The following MSI2 variants were observed in gnomAD, a reference collection of about 807,000 sequenced individuals.
The protein encoded by MSI2 is RNA-binding protein Musashi homolog 2.
In MSI2, 17 loss-of-function variants were observed where a neutral mutation model predicts 45.6. That is an observed-to-expected ratio of 0.37 (90% CI 0.26 to 0.56). The LOEUF (loss-of-function observed/expected upper bound fraction) is 0.56, where lower values mean the gene tolerates loss of function less well. MSI2 is among the 20% of genes least tolerant of loss of function. The pLI is 0.77. For synonymous variants in MSI2, 156 were observed against 158.2 expected, an observed-to-expected ratio of 0.99 and a Z score of 0.11; for missense variants, 293 against 444.2, an observed-to-expected ratio of 0.66 and a Z score of 3.06.
At chr17:57,474,377 T>G (rs1399653972) in intron 6 of MSI2, among the ~76,000 whole-genome samples, 1 of 152,316 alleles carries the variant, frequency 6.6e-6, no homozygotes, top group African/African-American at 2.4e-5. Flanking sequence ...GTTCAACTCA[T>G]GCAGACCAGG....
intron 5 of MSI2, among the ~76,000 whole-genome samples, chr17:57,331,126 C>G (rs1230432083): frequency 1.3e-5 from 2 of 152,108 alleles, no homozygotes; most frequent in African/African-American, 2.4e-5. Flanking sequence ...GTTGGCCAGG[C>G]TGGTCTCGAA....
At chr17:57,593,996 G>C (rs1905064922) in intron 7 of MSI2, among the ~76,000 whole-genome samples, 1 of 152,244 alleles carries the variant, frequency 6.6e-6, no homozygotes, top group East Asian at 1.9e-4. Flanking sequence ...GGTAAACGCA[G>C]AAGGAAGAGC....
In MSI2 at chr17:57,627,075, CCCAGA is replaced by C; in HGVS notation, c.653-151_653-147del. On this transcript the variant is annotated intron_variant, in intron 9 of 13. Transcript: ENST00000284073. This position sits in a 1 kb window ranked among gnomAD's most constrained non-coding sequence, Gnocchi z 4.6. ...GCCCCCGGCCACAGGAGAGAGGTGA[CCCAGA>C]CCCTTAATAAAAAAACCCTCATGAG... The C allele has an allele frequency of 1.4e-6, 1 of 708,220 alleles. No individual in the cohort carries two copies. The allele number at this position is 708,220 out of a possible 1,614,324, so 43.9% of individuals were successfully genotyped here.
rs149184814 is a variant in MSI2, at chr17:57,611,674, C to T, written c.538-4296C>T. Reference sequence around the variant, plus strand: ...TGGGACACTTCCTCTTGGGACTTAGCCACCATATTGTGACAAGACCAGGCG... The same window carrying T: ...TGGGACACTTCCTCTTGGGACTTAGTCACCATATTGTGACAAGACCAGGCG... On this transcript the variant is annotated intron_variant, in intron 8 of 13. Coordinates refer to ENST00000284073, the MANE Select transcript of MSI2 (RefSeq NM_138962.4). Among the ~76,000 whole-genome samples the T allele has an allele frequency of 2.0e-3, 193 of 96,252 alleles. 67 individuals carry two copies. The Middle Eastern group carries it at 0.053, about 27-fold the overall frequency. 63.1% of individuals were successfully genotyped at this position (96,252 alleles called of 152,430 possible). A position where few individuals can be genotyped will look rare whatever the true frequency, so the allele number is the denominator to read the frequency against.
chr17:57,332,316 G>A (rs963290025), intron 5 of MSI2, among the ~76,000 whole-genome samples: 1 of 152,104 alleles, frequency 6.6e-6, no homozygotes, highest in Admixed American at 6.5e-5. Context: ...AGCCAGGCTG[G>A]TCTTGAACTC....
chr17:57,281,662 C>T (rs887194986), intron 5 of MSI2, among the ~76,000 whole-genome samples: 6 of 152,296 alleles, frequency 3.9e-5, no homozygotes, highest in African/African-American at 9.6e-5. Context: ...CAGTTTTCCA[C>T]GAGTGCAGCC....
chr17:57,609,713 C>T (rs1487896798), intron 8 of MSI2, among the ~76,000 whole-genome samples: 1 of 152,244 alleles, frequency 6.6e-6, no homozygotes, highest in Non-Finnish European at 1.5e-5. Context: ...AGTGAGCTTA[C>T]CTTTGCAAGG....
At chr17:57,411,209 G>A (rs2084189984) in intron 6 of MSI2, among the ~76,000 whole-genome samples, 1 of 152,104 alleles carries the variant, frequency 6.6e-6, no homozygotes, top group Non-Finnish European at 1.5e-5. Context: ...GTTTCACCGT[G>A]TTGCCGAGGC....
In MSI2 at chr17:57,262,210, C is replaced by A; in HGVS notation, c.312+18C>A. The A allele has an allele frequency of 6.2e-7, 1 of 1,613,606 alleles. No individual in the cohort carries two copies. The highest frequency in any genetic ancestry group is 8.5e-7 in the Non-Finnish European group (1 of 1,179,696). On this transcript the variant is annotated intron_variant, in intron 5 of 13. Transcript: ENST00000284073. ...AACCCAAGGTAAGTAGGAGAATAAA[C>A]AGTAGGATTTTAGCACTCAGAGATG...
At chr17:57,347,175 C>T (rs1324202727) in intron 5 of MSI2, among the ~76,000 whole-genome samples, 1 of 152,140 alleles carries the variant, frequency 6.6e-6, no homozygotes, top group East Asian at 1.9e-4. Flanking sequence ...CCCTTCCTCA[C>T]CATTGTTCCT....
intron 7 of MSI2, among the ~76,000 whole-genome samples, chr17:57,547,679 TTC>T (rs2087200289): frequency 1.3e-5 from 2 of 151,632 alleles, no homozygotes; most frequent in South Asian, 4.2e-4. Flanking sequence ...AAATCAGTTG[TTC>T]TGTTTGAAAT....
chr17:57,392,120 G>T (rs953620989), intron 5 of MSI2, among the ~76,000 whole-genome samples: 13 of 152,156 alleles, frequency 8.5e-5, no homozygotes. Context: ...TTGATGCAGG[G>T]ATCATGATCC....
At position 57,526,379 on chromosome 17, in the gene MSI2, G is replaced by A. The variant is rs937836549; in HGVS notation, c.406-3297G>A. The stretch of plus-strand genomic sequence containing the variant: ...TGGGTGTGTGTGTGTGTGTGTGTGT[G>A]TGTGTGTGTGTGTGTGTGTGTGTGT... On this transcript the variant is annotated intron_variant, in intron 6 of 13. Coordinates refer to ENST00000284073, the MANE Select transcript of MSI2 (RefSeq NM_138962.4). Among the ~76,000 whole-genome samples the A allele has an allele frequency of 1.9e-3, 164 of 86,470 alleles. 2 individuals are homozygous for A. The highest frequency in any genetic ancestry group is 0.011 in the Middle Eastern group (2 of 174). 56.7% of individuals were successfully genotyped at this position (86,470 alleles called of 152,430 possible).
chr17:57,441,110 T>C (rs2084792226), intron 6 of MSI2, among the ~76,000 whole-genome samples: 1 of 152,088 alleles, frequency 6.6e-6, no homozygotes, highest in South Asian at 2.1e-4. Flanking sequence ...CCCACTAATG[T>C]GAGGATGAAG....
At position 57,533,138 on chromosome 17, in the gene MSI2, G is replaced by A. The variant is rs147492069; in HGVS notation, c.454+3414G>A. Reference sequence around the variant, plus strand: ...TGGTCACCTCCTGTCCCTGCTCCCTGTTGGTCTCTGTTGGGGCAGGGATGC... The same window carrying A: ...TGGTCACCTCCTGTCCCTGCTCCCTATTGGTCTCTGTTGGGGCAGGGATGC... On this transcript the variant is annotated intron_variant, in intron 7 of 13. Transcript: ENST00000284073. Among the ~76,000 whole-genome samples the A allele has an allele frequency of 3.9e-5, 6 of 152,290 alleles. No individual in the cohort carries two copies. The East Asian group carries it at 9.7e-4, about 25-fold the overall frequency.
chr17:57,592,371 A>G (rs1904920214), intron 7 of MSI2, among the ~76,000 whole-genome samples: 1 of 152,198 alleles, frequency 6.6e-6, no homozygotes, highest in Non-Finnish European at 1.5e-5. Flanking sequence ...GCACTAAGTT[A>G]CTAATTCATT....
At chr17:57,299,070 A>G (rs920201437) in intron 5 of MSI2, among the ~76,000 whole-genome samples, 2 of 152,192 alleles carry the variant, frequency 1.3e-5, no homozygotes. Flanking sequence ...CTTTCCTTAA[A>G]TCTCATGAAC....
intron 5 of MSI2, among the ~76,000 whole-genome samples, chr17:57,375,375 G>A (rs932875900): frequency 6.6e-6 from 1 of 152,198 alleles, no homozygotes; most frequent in Non-Finnish European, 1.5e-5. Flanking sequence ...GAGCCGAGGA[G>A]AGGAAACTCA....
At chr17:57,300,491 T>C (rs764425543) in intron 5 of MSI2, among the ~76,000 whole-genome samples, 33 of 152,212 alleles carry the variant, frequency 2.2e-4, no homozygotes, top group Non-Finnish European at 4.7e-4. Context: ...ACTACAAATA[T>C]GATTTACAAA....
Sources: allele counts gnomAD v4.1 joint callset (sites outside exome capture counted in the v4.1 genomes callset), GRCh38; gene constraint gnomAD v4.1.1; non-coding constraint Gnocchi (gnomAD v3.1); transcripts MANE v1.5; gene names NCBI Gene and HGNC (gene_info 2026-07-23, HGNC 2026-07-21).